STAT5B: variants seen among roughly 807,000 people sequenced by gnomAD.
STAT5B encodes signal transducer and activator of transcription 5B.
STAT5B carries 21 observed loss-of-function variants against 107.8 expected under a neutral mutation model. The observed-to-expected ratio is 0.19, with a 90% CI of 0.14 to 0.28. The LOEUF is 0.28. Among genes scored for constraint, STAT5B ranks in the 10% least tolerant of loss-of-function variants. The pLI is 1.00. For synonymous variants in STAT5B, 325 were observed against 401.7 expected, an observed-to-expected ratio of 0.81 and a Z score of 2.28; for missense variants, 565 against 1,008.2, an observed-to-expected ratio of 0.56 and a Z score of 5.95.
chr17:42,240,233 C>T (rs1241015442), intron 1 of STAT5B, among the ~76,000 whole-genome samples: 1 of 152,116 alleles, frequency 6.6e-6, no homozygotes, highest in African/African-American at 2.4e-5. Flanking sequence ...GTGGAAACAA[C>T]TCAAATGTCC....
the STAT5B span, among the ~76,000 whole-genome samples, chr17:42,283,305 C>G: frequency 6.6e-6 from 1 of 152,212 alleles, no homozygotes; most frequent in Non-Finnish European, 1.5e-5. Context: ...TGTGTGCCCT[C>G]TCTCCTCTCT....
At chr17:42,286,150 T>C in the STAT5B span, among the ~76,000 whole-genome samples, 1 of 150,574 alleles carries the variant, frequency 6.6e-6, no homozygotes, top group South Asian at 2.1e-4. Flanking sequence ...GGAGAATCGC[T>C]TGAACCTTGG....
Position 42,216,068 on chromosome 17 carries a change from G to A in STAT5B, c.1419C>T (p.Ser473=), listed in dbSNP as rs1360567153. ...SLPVVVIVHG[S]QDNNATATVL... ...CAGTGGCCGTCGCATTGTTGTCCTG[G>A]CTGCCATGAACGATCACCACCACTG... The change falls in exon 12 of 19, where the codon AGC becomes AGT. Residue 473 remains serine (S), a synonymous_variant. Transcript: ENST00000293328. 9 of 1,613,788 alleles carry A rather than the reference G, an allele frequency of 5.6e-6. No individual in the cohort carries two copies. The highest frequency in any genetic ancestry group is 7.6e-6 in the Non-Finnish European group (9 of 1,179,970).
chr17:42,223,649 T>TA, intron 4 of STAT5B, 93 bp from the exon 5 acceptor site: 1 of 1,501,430 alleles, frequency 6.7e-7, no homozygotes, highest in South Asian at 1.2e-5. Flanking sequence ...ACAACCAGGG[T>TA]AAGACCCCAA....
intron 1 of STAT5B, chr17:42,235,273 A>G (rs1246929725): frequency 6.6e-6 from 1 of 152,234 alleles, no homozygotes; most frequent in Non-Finnish European, 1.5e-5. Flanking sequence ...CACCATGAAC[A>G]CAATGACTTT....
At chr17:42,207,000 C>T (rs1248079831) in intron 16 of STAT5B, among the ~76,000 whole-genome samples, 1 of 151,876 alleles carries the variant, frequency 6.6e-6, no homozygotes, top group Non-Finnish European at 1.5e-5. Flanking sequence ...CCTCAGCCTC[C>T]CGAGTACCTG....
chr17:42,284,724 G>C, the STAT5B span, among the ~76,000 whole-genome samples: 2 of 152,226 alleles, frequency 1.3e-5, no homozygotes, highest in Non-Finnish European at 2.9e-5. Context: ...GCCCAGCCCA[G>C]GGAGGCCTCT....
At chr17:42,219,494 G>A in intron 6 of STAT5B, 31 bp from the exon 7 acceptor site, 1 of 1,294,830 alleles carries the variant, frequency 7.7e-7, no homozygotes, top group Non-Finnish European at 1.0e-6. Context: ...AGCCCCTTCT[G>A]GGCTCCCAGA....
At chr17:42,223,580 C>T in intron 4 of STAT5B, 24 bp from the exon 5 acceptor site, 1 of 1,612,392 alleles carries the variant, frequency 6.2e-7, no homozygotes, top group African/African-American at 1.3e-5. Context: ...GGGGGCAGTG[C>T]AAGGCAGTGC....
chr17:42,285,025 A>C, the STAT5B span, among the ~76,000 whole-genome samples: 2 of 152,194 alleles, frequency 1.3e-5, no homozygotes, highest in Non-Finnish European at 2.9e-5. Flanking sequence ...CCTAGGCTGC[A>C]GACTATTATT....
At chr17:42,231,698 CAT>C (rs2080318906) in intron 2 of STAT5B, among the ~76,000 whole-genome samples, 1 of 152,124 alleles carries the variant, frequency 6.6e-6, no homozygotes, top group African/African-American at 2.4e-5. Context: ...GCACTCGAAA[CAT>C]ATTTGTTGGC....
intron 5 of STAT5B, among the ~76,000 whole-genome samples, chr17:42,222,138 GTGTGTGTGTGC>G (rs1399203888): frequency 3.4e-5 from 5 of 146,374 alleles, no homozygotes; most frequent in South Asian, 2.2e-4. Flanking sequence ...TGTGTGCTGT[GTGTGTGTGTGC>G]TGTGTGTGTG....
intron 13 of STAT5B, 25 bp from the exon 14 acceptor site, chr17:42,210,522 A>G: frequency 2.5e-6 from 4 of 1,583,132 alleles, no homozygotes; most frequent in South Asian, 1.1e-5. Context: ...AACAGTGAAC[A>G]TAAGAACACC....
At chr17:42,216,531 A>G (rs1399127468) in intron 11 of STAT5B, among the ~76,000 whole-genome samples, 3 of 151,922 alleles carry the variant, frequency 2.0e-5, no homozygotes, top group Admixed American at 1.3e-4. Context: ...TTCATGTTTT[A>G]TTTTTTATTT....
At chr17:42,264,289 G>A (rs2080647226) in intron 1 of STAT5B, among the ~76,000 whole-genome samples, 1 of 151,392 alleles carries the variant, frequency 6.6e-6, no homozygotes, top group Admixed American at 6.6e-5. Context: ...CATGTGCCAT[G>A]CTGGTGTGCT....
chr17:42,237,852 C>G (rs2080368966), intron 1 of STAT5B, among the ~76,000 whole-genome samples: 1 of 152,020 alleles, frequency 6.6e-6, no homozygotes, highest in Non-Finnish European at 1.5e-5. Flanking sequence ...TACTTATGCC[C>G]CTTAGGGGGC....
chr17:42,231,975 G>A, intron 2 of STAT5B, 25 bp downstream of exon 2: 1 of 1,613,206 alleles, frequency 6.2e-7, no homozygotes, highest in Non-Finnish European at 8.5e-7. Flanking sequence ...CACAAAATAT[G>A]ATGCAAACAT....
chr17:42,229,629 T>C (rs2080302208), intron 2 of STAT5B, among the ~76,000 whole-genome samples: 2 of 151,552 alleles, frequency 1.3e-5, no homozygotes, highest in South Asian at 4.2e-4. Context: ...TCCCAGCACT[T>C]TGGGAGGCCG....
intron 2 of STAT5B, among the ~76,000 whole-genome samples, chr17:42,230,723 C>T (rs1412519314): frequency 1.3e-5 from 2 of 151,414 alleles, no homozygotes; most frequent in African/African-American, 2.4e-5. Context: ...TGCAGTAGTG[C>T]GATCTCGGCT....
Sources: allele counts gnomAD v4.1 joint callset (sites outside exome capture counted in the v4.1 genomes callset), GRCh38; gene constraint gnomAD v4.1.1; transcripts MANE v1.5; gene names NCBI Gene and HGNC (gene_info 2026-07-23, HGNC 2026-07-21).